WDPCP: variants seen among roughly 807,000 people sequenced by gnomAD.
WDPCP encodes WD repeat-containing and planar cell polarity effector protein fritz homolog.
A neutral mutation model predicts 93.1 loss-of-function variants in WDPCP; 71 were observed. That is an observed-to-expected ratio of 0.76 (90% confidence interval 0.63 to 0.93). The LOEUF (loss-of-function observed/expected upper bound fraction) is 0.93. WDPCP is among the 40% of genes least tolerant of loss of function. The probability of loss-of-function intolerance (pLI) is 0.00; values close to 1 mark genes in which losing one functional copy is unlikely to be tolerated. For synonymous variants in WDPCP, 315 were observed against 315.0 expected, an observed-to-expected ratio of 1.00 and a Z score of 0.00; for missense variants, 844 against 887.4, an observed-to-expected ratio of 0.95 and a Z score of 0.62.
intron 13 of WDPCP, among the ~76,000 whole-genome samples, chr2:63,295,538 G>C (rs1684777245): frequency 1.7e-5 from 1 of 59,020 alleles, no homozygotes; most frequent in African/African-American, 1.3e-4. Flanking sequence ...GGTTACAAGA[G>C]ATAAAAAAAA....
intron 2 of WDPCP, among the ~76,000 whole-genome samples, chr2:63,689,834 AG>A (rs994860647): frequency 2.6e-5 from 4 of 152,210 alleles, no homozygotes; most frequent in African/African-American, 9.6e-5. Context: ...AGAAACTTCC[AG>A]GGCCTATTCA....
chr2:63,564,945 T>C (rs946929224), intron 1 of WDPCP, among the ~76,000 whole-genome samples: 2 of 151,908 alleles, frequency 1.3e-5, no homozygotes, highest in Non-Finnish European at 2.9e-5. Flanking sequence ...ACCTGGCTAA[T>C]TTTTTGTATT....
chr2:63,297,135 G>A (rs1048820695), intron 13 of WDPCP, among the ~76,000 whole-genome samples: 1 of 152,140 alleles, frequency 6.6e-6, no homozygotes, highest in African/African-American at 2.4e-5. Context: ...CATTTAGTGA[G>A]GAACTTACAT....
intron 12 of WDPCP, among the ~76,000 whole-genome samples, chr2:63,336,053 A>G (rs1019862619): frequency 2.8e-4 from 43 of 152,208 alleles, no homozygotes; most frequent in Non-Finnish European, 3.2e-4. Flanking sequence ...CTTGTTTAGC[A>G]TTTCATCAAG....
chr2:63,572,760 A>G (rs1707625918), intron 1 of WDPCP, among the ~76,000 whole-genome samples: 1 of 150,562 alleles, frequency 6.6e-6, no homozygotes, highest in African/African-American at 2.4e-5. Flanking sequence ...AAGAGAGTAA[A>G]GAGGGCAAAA....
chr2:63,734,910 T>C (rs4671531), intron 2 of WDPCP, among the ~76,000 whole-genome samples: 3,847 of 124,248 alleles, frequency 0.031, 74 homozygotes, highest in East Asian at 0.08. Flanking sequence ...GACAGACAGA[T>C]AGATAGATGA....
chr2:63,711,128 T>C (rs564060778), intron 2 of WDPCP, among the ~76,000 whole-genome samples: 2 of 152,282 alleles, frequency 1.3e-5, no homozygotes, highest in Admixed American at 6.5e-5. Context: ...GATGTTTTCT[T>C]TGGACCAAAG....
chr2:63,186,041 C>T (rs116071178), intron 14 of WDPCP, among the ~76,000 whole-genome samples: 3 of 152,300 alleles, frequency 2.0e-5, no homozygotes, highest in African/African-American at 7.2e-5. Flanking sequence ...CCAGGTTCCT[C>T]ACATGTGAAG....
chr2:63,498,360 A>G (rs1177879319), intron 1 of WDPCP, among the ~76,000 whole-genome samples: 3 of 152,194 alleles, frequency 2.0e-5, no homozygotes, highest in Admixed American at 2.0e-4. Context: ...TATACAGGGG[A>G]CAATCTATGA....
At chr2:63,465,494 T>C (rs1036717748) in intron 6 of WDPCP, among the ~76,000 whole-genome samples, 2 of 152,142 alleles carry the variant, frequency 1.3e-5, no homozygotes, top group African/African-American at 4.8e-5. Flanking sequence ...ACAGTACCAT[T>C]TGTGTCTCTC....
intron 2 of WDPCP, among the ~76,000 whole-genome samples, chr2:63,777,365 C>T (rs995815997): frequency 6.6e-6 from 1 of 152,122 alleles, no homozygotes; most frequent in Admixed American, 6.6e-5. Context: ...CTGATAGGAG[C>T]GTAAAATGTC....
At chr2:63,574,348 G>C (rs1354754373) in intron 1 of WDPCP, among the ~76,000 whole-genome samples, 2 of 152,132 alleles carry the variant, frequency 1.3e-5, no homozygotes, top group Non-Finnish European at 2.9e-5. Flanking sequence ...AGGGAAGATA[G>C]AAAAGAACCT....
intron 13 of WDPCP, among the ~76,000 whole-genome samples, chr2:63,282,636 T>A (rs557597611): frequency 3.3e-5 from 5 of 152,180 alleles, no homozygotes; most frequent in Non-Finnish European, 7.3e-5. Context: ...TGAATGTAAT[T>A]TTTTTGATGA....
intron 2 of WDPCP, among the ~76,000 whole-genome samples, chr2:63,658,641 T>A (rs1710193552): frequency 6.6e-6 from 1 of 152,166 alleles, no homozygotes; most frequent in African/African-American, 2.4e-5. Context: ...ACTTAGCAAT[T>A]CCCAAGGTCA....
chr2:63,339,565 T>C (rs966571710), intron 12 of WDPCP, among the ~76,000 whole-genome samples: 7 of 152,206 alleles, frequency 4.6e-5, no homozygotes, highest in Admixed American at 1.3e-4. Context: ...ACTGAATTCG[T>C]TTATCAGTTC....
intron 2 of WDPCP, among the ~76,000 whole-genome samples, chr2:63,708,191 C>T (rs1460766248): frequency 6.6e-6 from 1 of 152,190 alleles, no homozygotes; most frequent in Non-Finnish European, 1.5e-5. Context: ...GAGGTTATTG[C>T]TGTCTTTTGT....
At chr2:63,640,793 G>A (rs1055318157) in intron 3 of WDPCP, among the ~76,000 whole-genome samples, 8 of 151,948 alleles carry the variant, frequency 5.3e-5, no homozygotes, top group African/African-American at 1.7e-4. Flanking sequence ...ATCCCCTCAA[G>A]CATTCATTTT....
intron 3 of WDPCP, among the ~76,000 whole-genome samples, chr2:63,595,690 A>C (rs1709296869): frequency 6.6e-6 from 1 of 152,220 alleles, no homozygotes; most frequent in African/African-American, 2.4e-5. Flanking sequence ...AAATAAGGGT[A>C]AGAAATGAGC....
chr2:63,522,298 C>T (rs1702991094), intron 1 of WDPCP, among the ~76,000 whole-genome samples: 1 of 151,558 alleles, frequency 6.6e-6, no homozygotes, highest in Admixed American at 6.6e-5. Context: ...GACTAAACAC[C>T]CACATCAAAA....
Sources: gnomAD v4.1 joint callset for allele counts (sites outside exome capture counted in the v4.1 genomes callset) on GRCh38, gnomAD v4.1.1 for gene constraint, MANE v1.5 for transcripts, NCBI Gene and HGNC (gene_info 2026-07-23, HGNC 2026-07-21) for gene names.